The following POLQ variants were observed in gnomAD, a reference collection of about 807,000 sequenced individuals.
The protein encoded by POLQ is DNA polymerase theta, also known as epididymis secretory sperm binding protein.
Under a neutral mutation model 259.2 loss-of-function variants are expected in POLQ, and 233 were observed. The ratio of observed to expected loss-of-function variants is 0.90; its 90% confidence interval spans 0.81 to 1.00. The LOEUF (loss-of-function observed/expected upper bound fraction) is 1.00. POLQ is among the 50% of genes least tolerant of loss of function. The probability of loss-of-function intolerance (pLI) is 0.00; values close to 1 mark genes in which losing one functional copy is unlikely to be tolerated. For synonymous variants in POLQ, 1,025 were observed against 1,048.8 expected (o/e 0.98, Z 0.44); for missense variants, 2,871 against 3,051.6 (o/e 0.94, Z 1.39).
At chr3:121,515,054 A>G (rs185862226) in intron 9 of POLQ, among the ~76,000 whole-genome samples, 2 of 152,336 alleles carry the variant, frequency 1.3e-5, no homozygotes, top group Admixed American at 1.3e-4. Context: ...GTATTTTTGC[A>G]AAGTGCAGGG....
Position 121,522,071 on chromosome 3 carries a change from C to CGTCTTA in POLQ, c.1181_1186dup (p.Leu394_Arg395dup). 1.2e-6 allele frequency: 2 copies of CGTCTTA among 1,610,156 alleles called. No individual in the cohort carries two copies. Among genetic ancestry groups the CGTCTTA allele is most frequent in the Middle Eastern group, 1.7e-4 (1 of 6,044 alleles). ...TACAGAGTCCAGTCCTGAAGGCAAACGTCTTAACTGATCCATCACTTCCAG... is the reference window on the plus strand; with the variant it reads ...TACAGAGTCCAGTCCTGAAGGCAAACGTCTTAGTCTTAACTGATCCATCACTTCCAG... On this transcript the variant is annotated inframe_insertion, in exon 8 of 30. Transcript: ENST00000264233.
intron 9 of POLQ, among the ~76,000 whole-genome samples, chr3:121,519,601 G>A (rs1309642522): frequency 2.7e-5 from 4 of 149,432 alleles, no homozygotes; most frequent in Admixed American, 6.7e-5. Flanking sequence ...GCATGAACCC[G>A]GAAGGCAGAG....
In POLQ at chr3:121,435,118, C is replaced by T. The variant is rs545145078; in HGVS notation, c.7543+1004G>A. Among the ~76,000 whole-genome samples the T allele has an allele frequency of 1.8e-4, 28 of 152,234 alleles. No individual in the cohort carries two copies. The East Asian group carries it at 4.8e-3, about 26-fold the overall frequency. ...GGCAGAGGTTGCAGTGAGCTGAGATCGTGCCACTGCACTCCAGCCTGGGTG... is the reference window on the plus strand; with the variant it reads ...GGCAGAGGTTGCAGTGAGCTGAGATTGTGCCACTGCACTCCAGCCTGGGTG... On this transcript the variant is annotated intron_variant, in intron 28 of 29. Transcript: ENST00000264233.
At chr3:121,491,479 T>C (rs998612788) in intron 15 of POLQ, among the ~76,000 whole-genome samples, 2 of 149,190 alleles carry the variant, frequency 1.3e-5, no homozygotes, top group Non-Finnish European at 3.0e-5. Context: ...GAAATTGGAG[T>C]GGGGTTGAGA....
chr3:121,511,977 G>C lies in POLQ; in HGVS notation c.1521C>G (p.Leu507=). ...KNSEKSKGIA[L]LQGSLKPVRS... ...GAACAGGCTTTAGAGAACCCTGAAG[G>C]AGAGCTATGCCTTTTGATTTCTCAG... The change falls in exon 10 of 30, where the codon CTC becomes CTG. Residue 507 remains leucine (L), a synonymous_variant. Transcript: ENST00000264233. 1 of 1,613,368 alleles carries C rather than the reference G, an allele frequency of 6.2e-7. No homozygotes were observed. The highest frequency in any genetic ancestry group is 8.5e-7 in the Non-Finnish European group (1 of 1,179,344).
At chr3:121,539,821 C>G (rs1170615233) in intron 3 of POLQ, among the ~76,000 whole-genome samples, 2 of 152,050 alleles carry the variant, frequency 1.3e-5, no homozygotes, top group Non-Finnish European at 2.9e-5. Context: ...ATTTTAATGA[C>G]AGCATAATAA....
intron 25 of POLQ, among the ~76,000 whole-genome samples, chr3:121,451,449 C>T (rs1179595862): frequency 3.3e-5 from 5 of 152,080 alleles, no homozygotes; most frequent in Non-Finnish European, 5.9e-5. Flanking sequence ...ATGATGGTGA[C>T]GTACAGATGG....
In POLQ at chr3:121,525,606, C is replaced by T. The variant is rs143108265; in HGVS notation, c.1109-3457G>A. Among the ~76,000 whole-genome samples, 17 of 152,214 alleles carry T rather than the reference C, an allele frequency of 1.1e-4. No individual in the cohort carries two copies. In the East Asian group the frequency reaches 3.3e-3, roughly 29 times the overall value. ...TTCATTCTCTAAAAATGTTTATATA[C>T]GGTACCAATCCTTTCGCCATTTGCT... On this transcript the variant is annotated intron_variant, in intron 7 of 29. Transcript: ENST00000264233.
chr3:121,528,209 C>T (rs1325919142), intron 7 of POLQ, among the ~76,000 whole-genome samples: 1 of 152,086 alleles, frequency 6.6e-6, no homozygotes, highest in African/African-American at 2.4e-5. Context: ...GCAGCCTCCA[C>T]CTCCCAGGTT....
At chr3:121,456,570 G>A (rs1258765734) in intron 25 of POLQ, among the ~76,000 whole-genome samples, 7 of 151,940 alleles carry the variant, frequency 4.6e-5, no homozygotes, top group Non-Finnish European at 1.0e-4. Flanking sequence ...AAAATCACAA[G>A]CATTCTTATA....
chr3:121,522,059 CCTG>C lies in POLQ; in HGVS notation c.1196_1198del (p.Ser399_Gly400delinsTer). On this transcript the variant is annotated stop_gained and inframe_deletion, in exon 8 of 30. Transcript: ENST00000264233. LOFTEE classifies it high-confidence loss of function. ...AGTTTTCTGTAATACAGAGTCCAGT[CCTG>C]AAGGCAAACGTCTTAACTGATCCAT... is the stretch of plus-strand genomic sequence containing the variant. 1 of 1,608,814 alleles carries C rather than the reference CCTG, an allele frequency of 6.2e-7. No homozygotes were observed. Among genetic ancestry groups the C allele is most frequent in the Non-Finnish European group, 8.5e-7 (1 of 1,177,088 alleles).
intron 25 of POLQ, among the ~76,000 whole-genome samples, chr3:121,457,005 A>C (rs2047744658): frequency 6.6e-6 from 1 of 152,216 alleles, no homozygotes; most frequent in Non-Finnish European, 1.5e-5. Context: ...TACAGTAACC[A>C]AAACAGCATG....
At chr3:121,532,320 C>G (rs1422006909) in intron 6 of POLQ, among the ~76,000 whole-genome samples, 1 of 151,992 alleles carries the variant, frequency 6.6e-6, no homozygotes, top group Non-Finnish European at 1.5e-5. Context: ...TACCATTTAA[C>G]AAAAAAGTTA....
intron 27 of POLQ, among the ~76,000 whole-genome samples, chr3:121,437,733 A>T (rs1271463470): frequency 6.6e-6 from 1 of 152,250 alleles, no homozygotes; most frequent in Admixed American, 6.5e-5. Flanking sequence ...TTGTACAAGC[A>T]TGTTCAAAAA....
intron 2 of POLQ, among the ~76,000 whole-genome samples, chr3:121,543,918 G>A (rs1257448480): frequency 2.0e-5 from 3 of 150,856 alleles, no homozygotes; most frequent in Non-Finnish European, 4.4e-5. Flanking sequence ...GGGAGGCAGA[G>A]GGTGCCGTGA....
chr3:121,456,867 G>C (rs1187018247), intron 25 of POLQ, among the ~76,000 whole-genome samples: 1 of 152,150 alleles, frequency 6.6e-6, no homozygotes, highest in Non-Finnish European at 1.5e-5. Context: ...TTTCTTCACA[G>C]AATTGGAAAA....
intron 25 of POLQ, among the ~76,000 whole-genome samples, chr3:121,456,992 G>A (rs1295369861): frequency 6.6e-6 from 1 of 152,080 alleles, no homozygotes; most frequent in East Asian, 1.9e-4. Context: ...TATACTACAA[G>A]GCTACAGTAA....
chr3:121,461,614 G>C (rs1000886461), intron 24 of POLQ, among the ~76,000 whole-genome samples: 3 of 146,956 alleles, frequency 2.0e-5, no homozygotes, highest in African/African-American at 7.6e-5. Context: ...TCCCACCGCT[G>C]TACTCCAGCC....
intron 14 of POLQ, among the ~76,000 whole-genome samples, chr3:121,496,602 C>T (rs2048126526): frequency 6.6e-6 from 1 of 152,164 alleles, no homozygotes; most frequent in Admixed American, 6.5e-5. Context: ...GAGGCCAAGA[C>T]ATTCAGCTAG....
Sources: gnomAD v4.1 joint callset for allele counts (sites outside exome capture counted in the v4.1 genomes callset) on GRCh38, gnomAD v4.1.1 for gene constraint, MANE v1.5 for transcripts, NCBI Gene and HGNC (gene_info 2026-07-23, HGNC 2026-07-21) for gene names.